Variants in MGAT4D observed in about 807,000 individuals in gnomAD.
MGAT4D encodes the protein alpha-1,3-mannosyl-glycoprotein 4-beta-N-acetylglucosaminyltransferase-like protein MGAT4D.
MGAT4D carries 34 observed loss-of-function variants against 15.9 expected under a neutral mutation model. The ratio of observed to expected loss-of-function variants is 2.14; its 90% CI spans 1.62 to 2.84. The LOEUF is 2.84. Ranked by LOEUF, MGAT4D falls within the 30% of genes most tolerant of loss-of-function variation. The pLI, the probability that MGAT4D is intolerant of heterozygous loss-of-function variation, is 0.00. For synonymous variants in MGAT4D, 112 were observed against 48.2 expected (o/e 2.33, Z -5.49); for missense variants, 327 against 140.2 (o/e 2.33, Z -6.73).
At chr4:140,453,495 T>C (rs1480103065) in intron 9 of MGAT4D, among the ~76,000 whole-genome samples, 1 of 152,076 alleles carries the variant, frequency 6.6e-6, no homozygotes, top group East Asian at 1.9e-4. Flanking sequence ...AAATATTTTA[T>C]ATATAATGTT....
intron 1 of MGAT4D, among the ~76,000 whole-genome samples, chr4:140,496,918 T>C (rs1733876583): frequency 6.6e-6 from 1 of 152,198 alleles, no homozygotes; most frequent in South Asian, 2.1e-4. Context: ...AGTGTGCTTA[T>C]TGTTCATTGT....
intron 3 of MGAT4D, among the ~76,000 whole-genome samples, chr4:140,476,935 CTTATA>C (rs1379736595): frequency 2.0e-5 from 3 of 151,946 alleles, no homozygotes; most frequent in Non-Finnish European, 4.4e-5. Context: ...TTCATGTGTG[CTTATA>C]TTATAAATCC....
chr4:140,459,948 G>C (rs1731061966), intron 7 of MGAT4D, among the ~76,000 whole-genome samples: 1 of 151,938 alleles, frequency 6.6e-6, no homozygotes, highest in Non-Finnish European at 1.5e-5. Flanking sequence ...GCCCAGGCTG[G>C]TTTCGAATTC....
At chr4:140,452,662 G>A (rs951288524) in intron 9 of MGAT4D, among the ~76,000 whole-genome samples, 16 of 152,094 alleles carry the variant, frequency 1.1e-4, no homozygotes, top group Non-Finnish European at 1.5e-4. Flanking sequence ...CTGAATACAT[G>A]TCCTTTGTTG....
chr4:140,444,245 G>A (rs1729944391), intron 10 of MGAT4D, among the ~76,000 whole-genome samples: 1 of 151,948 alleles, frequency 6.6e-6, no homozygotes, highest in Non-Finnish European at 1.5e-5. Context: ...TAGGCTCAGG[G>A]GTACATGTGT....
At chr4:140,497,863 C>T (rs935608534) in intron 1 of MGAT4D, among the ~76,000 whole-genome samples, 7 of 152,196 alleles carry the variant, frequency 4.6e-5, no homozygotes, top group African/African-American at 1.7e-4. Context: ...GCGGCGGGTA[C>T]CCTGGGCCAG....
intron 10 of MGAT4D, among the ~76,000 whole-genome samples, chr4:140,443,699 G>A (rs925840868): frequency 2.0e-5 from 3 of 151,906 alleles, no homozygotes; most frequent in Admixed American, 6.6e-5. Context: ...GTGGGATTCC[G>A]GGGAAATCTT....
intron 9 of MGAT4D, among the ~76,000 whole-genome samples, chr4:140,454,201 G>A (rs924835044): frequency 1.4e-4 from 21 of 152,090 alleles, no homozygotes; most frequent in Non-Finnish European, 2.9e-5. Context: ...TAGAGAGAAA[G>A]CATCCAGTTT....
chr4:140,483,831 C>G (rs1039121588), intron 1 of MGAT4D, among the ~76,000 whole-genome samples: 3 of 150,400 alleles, frequency 2.0e-5, no homozygotes, highest in Non-Finnish European at 2.9e-5. Context: ...GAAATTAGAT[C>G]TTTATTTCAA....
Position 140,458,672 on chromosome 4 carries a change from T to C in MGAT4D, c.877+840A>G, listed in dbSNP as rs1252802805. ...TAAACTAAATGAACATAAAACAACA[T>C]GCTGATAATTTAGAAATCAAGTTTT... On this transcript the variant is annotated intron_variant, in intron 8 of 10. Coordinates refer to ENST00000511113, the MANE Select transcript of MGAT4D (RefSeq NM_001277353.2). 2.6e-5 allele frequency: 4 copies of C among 152,222 alleles called. No homozygotes were observed. The East Asian group carries it at 7.7e-4, about 29-fold the overall frequency. The allele number at this position is 152,222 out of a possible 1,614,324, so 9.4% of individuals were successfully genotyped here.
At chr4:140,475,578 T>C (rs1435573613) in intron 3 of MGAT4D, among the ~76,000 whole-genome samples, 1 of 148,106 alleles carries the variant, frequency 6.8e-6, no homozygotes, top group Admixed American at 7.0e-5. Context: ...TGTCCCCCTC[T>C]TTAAGATAGG....
intron 2 of MGAT4D, among the ~76,000 whole-genome samples, chr4:140,481,390 A>AC (rs1732720676): frequency 6.6e-6 from 1 of 152,222 alleles, no homozygotes; most frequent in African/African-American, 2.4e-5. Context: ...ACTCTGGAAA[A>AC]CAGTATGGCA....
intron 1 of MGAT4D, among the ~76,000 whole-genome samples, chr4:140,484,858 T>C (rs1216584788): frequency 6.6e-6 from 1 of 152,172 alleles, no homozygotes; most frequent in Non-Finnish European, 1.5e-5. Flanking sequence ...TGAGATACCA[T>C]TTCACACCAG....
At chr4:140,473,099 TTC>T (rs956553440) in intron 4 of MGAT4D, among the ~76,000 whole-genome samples, 9 of 152,248 alleles carry the variant, frequency 5.9e-5, no homozygotes, top group Middle Eastern at 3.4e-3. Context: ...TTTGCTCATT[TTC>T]TTTTTTCTTC....
intron 3 of MGAT4D, among the ~76,000 whole-genome samples, chr4:140,477,040 G>A (rs1027110480): frequency 1.3e-5 from 2 of 152,088 alleles, no homozygotes; most frequent in Non-Finnish European, 2.9e-5. Context: ...TATTTGGCCT[G>A]TGTCCATGGT....
intron 1 of MGAT4D, among the ~76,000 whole-genome samples, chr4:140,497,886 G>T (rs1733940090): frequency 6.6e-6 from 1 of 152,218 alleles, no homozygotes; most frequent in Non-Finnish European, 1.5e-5. Flanking sequence ...GCGTTAGCGC[G>T]CGTGCAGGCC....
chr4:140,444,807 T>C (rs1730003515), intron 10 of MGAT4D, among the ~76,000 whole-genome samples: 1 of 152,230 alleles, frequency 6.6e-6, no homozygotes, highest in Non-Finnish European at 1.5e-5. Flanking sequence ...TCCATGATGA[T>C]TGAACTAATT....
chr4:140,482,560 G>GTAAA lies in MGAT4D; in HGVS notation c.95-79_95-76dup. 5.5e-6 allele frequency: 3 copies of GTAAA among 544,486 alleles called. No individual in the cohort carries two copies. The East Asian group carries it at 9.2e-5, about 17-fold the overall frequency. 33.7% of individuals were successfully genotyped at this position (544,486 alleles called of 1,614,324 possible). A position where few individuals can be genotyped will look rare whatever the true frequency, so the allele number is the denominator to read the frequency against. ...ACAATTTTCTATAATAGGTAAGAAT[G>GTAAA]TAAAGTATAAGTTTCAATATAGTTA... On this transcript the variant is annotated intron_variant, in intron 1 of 10. Transcript: ENST00000511113.
chr4:140,473,492 C>A (rs978760612), intron 4 of MGAT4D, among the ~76,000 whole-genome samples: 20 of 152,078 alleles, frequency 1.3e-4, no homozygotes, highest in Admixed American at 1.2e-3. Flanking sequence ...CTAATTTCAT[C>A]CCCCAACAAC....
Sources: allele counts gnomAD v4.1 joint callset (sites outside exome capture counted in the v4.1 genomes callset), GRCh38; gene constraint gnomAD v4.1.1; transcripts MANE v1.5; gene names NCBI Gene and HGNC (gene_info 2026-07-23, HGNC 2026-07-21).